AKAP6: variants seen among roughly 807,000 people sequenced by gnomAD.
AKAP6 encodes the protein A-kinase anchoring protein 6, also known as A-kinase anchor protein 6.
Under a neutral mutation model 188.5 loss-of-function variants are expected in AKAP6, and 58 were observed. The observed-to-expected ratio is 0.31, with a 90% CI of 0.25 to 0.38. The LOEUF is 0.38. AKAP6 is among the 10% of genes least tolerant of loss of function. The pLI, the probability that AKAP6 is intolerant of heterozygous loss-of-function variation, is 1.00. For synonymous variants in AKAP6, 989 were observed against 998.6 expected, an observed-to-expected ratio of 0.99 and a Z score of 0.18; for missense variants, 2,710 against 2,740.0, an observed-to-expected ratio of 0.99 and a Z score of 0.24.
chr14:32,567,283 T>A (rs942099651), intron 4 of AKAP6, among the ~76,000 whole-genome samples: 1 of 152,180 alleles, frequency 6.6e-6, no homozygotes, highest in African/African-American at 2.4e-5. Flanking sequence ...TGAACTAGAT[T>A]AATTCTAAGA....
intron 4 of AKAP6, among the ~76,000 whole-genome samples, chr14:32,564,785 C>T (rs1480285601): frequency 6.6e-6 from 1 of 152,194 alleles, no homozygotes; most frequent in Non-Finnish European, 1.5e-5. Context: ...CATCCTGTCT[C>T]CTGGTTATTA....
At chr14:32,475,740 T>C (rs1194590631) in intron 2 of AKAP6, among the ~76,000 whole-genome samples, 1 of 150,598 alleles carries the variant, frequency 6.6e-6, no homozygotes, top group East Asian at 2.0e-4. Context: ...GTGCAGTGGC[T>C]TATCTCTGCT....
chr14:32,418,095 A>C (rs1889720520), intron 1 of AKAP6: 1 of 152,222 alleles, frequency 6.6e-6, no homozygotes, highest in African/African-American at 2.4e-5. Context: ...AAGTAAGACC[A>C]ACAGTAGCAA....
At chr14:32,406,460 G>A (rs1308891646) in intron 1 of AKAP6, among the ~76,000 whole-genome samples, 1 of 152,056 alleles carries the variant, frequency 6.6e-6, no homozygotes, top group African/African-American at 2.4e-5. Flanking sequence ...TGCCCACCTT[G>A]GCCTCTCAAA....
intron 9 of AKAP6, among the ~76,000 whole-genome samples, chr14:32,731,779 C>G (rs2031186773): frequency 3.3e-5 from 5 of 151,996 alleles, no homozygotes; most frequent in Admixed American, 3.3e-4. Flanking sequence ...TACATTATCT[C>G]CAGCAAAACA....
intron 7 of AKAP6, among the ~76,000 whole-genome samples, chr14:32,633,889 A>G (rs1470083323): frequency 5.9e-5 from 9 of 152,026 alleles, no homozygotes; most frequent in Non-Finnish European, 1.0e-4. Context: ...TCTTCCTCCA[A>G]TATCGTTCGT....
At chr14:32,692,111 A>C (rs1256675615) in intron 8 of AKAP6, among the ~76,000 whole-genome samples, 3 of 152,228 alleles carry the variant, frequency 2.0e-5, no homozygotes, top group African/African-American at 7.2e-5. Context: ...ATCAAGTCTA[A>C]ATATTCTCAG....
chr14:32,748,756 A>G (rs1344826087), intron 11 of AKAP6, among the ~76,000 whole-genome samples: 1 of 152,150 alleles, frequency 6.6e-6, no homozygotes, highest in Non-Finnish European at 1.5e-5. Context: ...TGGGGTGGTA[A>G]AAACCAAGTC....
chr14:32,531,349 A>G (rs1882406109), intron 2 of AKAP6, among the ~76,000 whole-genome samples: 3 of 152,232 alleles, frequency 2.0e-5, no homozygotes, highest in African/African-American at 7.2e-5. Context: ...CAGAATTACT[A>G]TATAAAATTA....
intron 10 of AKAP6, 166 bp downstream of exon 10, chr14:32,732,766 T>G: frequency 1.2e-6 from 1 of 805,252 alleles, no homozygotes; most frequent in Non-Finnish European, 1.9e-6. Context: ...CTGCTTTTCC[T>G]CTTCTGTTGA....
intron 7 of AKAP6, among the ~76,000 whole-genome samples, chr14:32,631,826 G>C (rs77958094): frequency 0.012 from 1,789 of 152,144 alleles, 30 homozygotes; most frequent in African/African-American, 0.041. Context: ...ATACACTCTG[G>C]ATGTGGTTAG....
intron 2 of AKAP6, among the ~76,000 whole-genome samples, chr14:32,440,309 A>G (rs952299703): frequency 6.6e-6 from 1 of 150,452 alleles, no homozygotes; most frequent in South Asian, 2.1e-4. Flanking sequence ...GGTGGGGAAC[A>G]TCACACACTG....
intron 9 of AKAP6, among the ~76,000 whole-genome samples, chr14:32,712,763 C>T (rs1303485132): frequency 1.3e-5 from 2 of 152,080 alleles, no homozygotes; most frequent in Non-Finnish European, 2.9e-5. Flanking sequence ...TTGCTATTTC[C>T]ACCACATCTG....
intron 9 of AKAP6, among the ~76,000 whole-genome samples, chr14:32,702,683 C>T (rs915982981): frequency 3.9e-5 from 6 of 152,262 alleles, no homozygotes; most frequent in East Asian, 1.9e-4. Context: ...CCGGAAGGTG[C>T]GTTGGCTCTC....
chr14:32,526,272 G>A (rs747023383), intron 2 of AKAP6, among the ~76,000 whole-genome samples: 6 of 151,892 alleles, frequency 4.0e-5, no homozygotes, highest in African/African-American at 7.3e-5. Flanking sequence ...TTGCCCTGTC[G>A]CCCAGGTTGG....
chr14:32,787,650 A>C (rs2033463272), intron 12 of AKAP6, among the ~76,000 whole-genome samples: 1 of 152,182 alleles, frequency 6.6e-6, no homozygotes, highest in African/African-American at 2.4e-5. Context: ...CTACATAATC[A>C]AGTAATTATG....
At chr14:32,511,964 A>G (rs1365873746) in intron 2 of AKAP6, among the ~76,000 whole-genome samples, 1 of 152,208 alleles carries the variant, frequency 6.6e-6, no homozygotes, top group Non-Finnish European at 1.5e-5. Flanking sequence ...AATCTCTCAC[A>G]TAGTCTTATG....
intron 1 of AKAP6, among the ~76,000 whole-genome samples, chr14:32,358,852 G>C (rs1289830684): frequency 6.6e-6 from 1 of 152,170 alleles, no homozygotes; most frequent in East Asian, 1.9e-4. Flanking sequence ...AAGCAGATAT[G>C]GTAGAGATTT....
chr14:32,437,196 A>G (rs1175026735), intron 2 of AKAP6, among the ~76,000 whole-genome samples: 1 of 152,120 alleles, frequency 6.6e-6, no homozygotes, highest in Non-Finnish European at 1.5e-5. Context: ...CTGGATCCTC[A>G]CCAAGCTATC....
Sources: gnomAD v4.1 joint callset for allele counts (sites outside exome capture counted in the v4.1 genomes callset) on GRCh38, gnomAD v4.1.1 for gene constraint, MANE v1.5 for transcripts, NCBI Gene and HGNC (gene_info 2026-07-23, HGNC 2026-07-21) for gene names.